The following EEF1AKMT1 variants were observed in gnomAD, a reference collection of about 807,000 sequenced individuals.
The protein encoded by EEF1AKMT1 is N-6 adenine-specific DNA methyltransferase 2 (putative).
EEF1AKMT1 carries 18 observed loss-of-function variants against 21.0 expected under a neutral mutation model. The observed-to-expected ratio is 0.86, with a 90% confidence interval of 0.59 to 1.27. EEF1AKMT1 has a LOEUF of 1.27. Among genes scored for constraint, EEF1AKMT1 ranks in the 50% most tolerant of loss-of-function variants. The pLI is 0.00. For synonymous variants in EEF1AKMT1, 109 were observed against 94.8 expected (o/e 1.15, Z -0.87); for missense variants, 246 against 258.6 (o/e 0.95, Z 0.33).
chr13:20,760,104 C>CAAAAAAAAAAAAA (rs56891551), intron 1 of EEF1AKMT1, among the ~76,000 whole-genome samples: 1 of 56,240 alleles, frequency 1.8e-5, no homozygotes, highest in Non-Finnish European at 2.8e-5. Flanking sequence ...GACTCTGTCT[C>CAAAAAAAAAAAAA]AAAAAAAAAA....
At chr13:20,752,353 G>C (rs1018631714) in intron 2 of EEF1AKMT1, among the ~76,000 whole-genome samples, 4 of 152,080 alleles carry the variant, frequency 2.6e-5, no homozygotes, top group Non-Finnish European at 5.9e-5. Context: ...TTTTTATCAT[G>C]AAGGGATGTT....
intron 1 of EEF1AKMT1, among the ~76,000 whole-genome samples, chr13:20,758,667 A>C (rs1435397133): frequency 2.0e-5 from 3 of 152,210 alleles, no homozygotes; most frequent in Non-Finnish European, 4.4e-5. Context: ...AGAATTAAAA[A>C]AAATTCTAAA....
At chr13:20,732,947 T>C (rs1217592947) in intron 3 of EEF1AKMT1, among the ~76,000 whole-genome samples, 1 of 152,222 alleles carries the variant, frequency 6.6e-6, no homozygotes, top group Non-Finnish European at 1.5e-5. Flanking sequence ...GCTTTGCTTC[T>C]TTTTTGTATA....
intron 1 of EEF1AKMT1, among the ~76,000 whole-genome samples, chr13:20,770,942 C>T (rs1352403687): frequency 6.6e-6 from 1 of 150,942 alleles, no homozygotes; most frequent in Admixed American, 6.6e-5. Flanking sequence ...TGCAGTGGTG[C>T]GATTGTGGCT....
chr13:20,742,764 A>G (rs1282609863), intron 2 of EEF1AKMT1, among the ~76,000 whole-genome samples: 4 of 152,170 alleles, frequency 2.6e-5, no homozygotes, highest in Non-Finnish European at 5.9e-5. Flanking sequence ...CAGGCTGCCC[A>G]TGGTCCTCAG....
Position 20,742,441 on chromosome 13 carries a change from C to A in EEF1AKMT1, c.145-4636G>T, listed in dbSNP as rs745635880. On this transcript the variant is annotated intron_variant, in intron 2 of 4. Coordinates refer to ENST00000382758, the MANE Select transcript of EEF1AKMT1 (RefSeq NM_001318939.2). ...GTTCCCTACTTAACAGAAACTATTT[C>A]AAAGAACACCAACATCAGACTGAGT... 2.6e-4 allele frequency among the ~76,000 whole-genome samples: 39 copies of A among 152,032 alleles called. 1 individual carries two copies. The highest frequency in any genetic ancestry group is 7.4e-5 in the Non-Finnish European group (5 of 68,016).
rs557143511 is a variant in EEF1AKMT1 at position 20,764,821 on chromosome 13, T to G, written c.-19-7204A>C. Among the ~76,000 whole-genome samples the G allele has an allele frequency of 2.9e-5, 4 of 140,342 alleles. No individual in the cohort carries two copies. In the South Asian group the frequency reaches 9.1e-4, roughly 32 times the overall value. 92.1% of individuals were successfully genotyped at this position (140,342 alleles called of 152,430 possible). ...CTACTTTACCTGCTATCAATAAAAG[T>G]GCTCATGCTTTTAAAAAAAAGCTTC... On this transcript the variant is annotated intron_variant, in intron 1 of 4. Coordinates refer to ENST00000382758, the MANE Select transcript of EEF1AKMT1 (RefSeq NM_001318939.2).
intron 2 of EEF1AKMT1, among the ~76,000 whole-genome samples, chr13:20,751,773 A>G (rs1198858469): frequency 1.3e-5 from 2 of 152,136 alleles, no homozygotes; most frequent in Non-Finnish European, 2.9e-5. Context: ...TATTCTTTCA[A>G]TCCGTGAGCA....
chr13:20,761,582 A>G (rs1323473080), intron 1 of EEF1AKMT1, among the ~76,000 whole-genome samples: 3 of 152,304 alleles, frequency 2.0e-5, no homozygotes, highest in Non-Finnish European at 4.4e-5. Flanking sequence ...GCTCAAGAGT[A>G]TGATGTTGGA....
chr13:20,739,159 C>T (rs528971690), intron 2 of EEF1AKMT1, among the ~76,000 whole-genome samples: 5 of 151,608 alleles, frequency 3.3e-5, no homozygotes, highest in Non-Finnish European at 7.4e-5. Flanking sequence ...GTAGTTCCTC[C>T]CATCCGAAGT....
chr13:20,750,760 C>CATACTGTT (rs1221990275), intron 2 of EEF1AKMT1, among the ~76,000 whole-genome samples: 4 of 152,144 alleles, frequency 2.6e-5, no homozygotes, highest in African/African-American at 9.7e-5. Flanking sequence ...GAGAAATCAC[C>CATACTGTT]ATACTGTTTT....
intron 1 of EEF1AKMT1, among the ~76,000 whole-genome samples, chr13:20,766,596 T>A (rs1595031850): frequency 6.6e-6 from 1 of 151,482 alleles, no homozygotes; most frequent in South Asian, 2.1e-4. Context: ...CCAAGGCAGG[T>A]GGATCACCTG....
intron 3 of EEF1AKMT1, 152 bp downstream of exon 3, chr13:20,737,571 T>C (rs2058833424): frequency 1.7e-6 from 1 of 602,570 alleles, no homozygotes; most frequent in Non-Finnish European, 2.9e-6. Context: ...CTAAACTCAG[T>C]GTTGAAGCTG....
At position 20,758,116 on chromosome 13, in the gene EEF1AKMT1, C is replaced by T. The variant is rs151290532; in HGVS notation, c.-19-499G>A. 9.4e-4 allele frequency among the ~76,000 whole-genome samples: 143 copies of T among 152,306 alleles called. No homozygotes were observed. The Middle Eastern group carries it at 0.01, about 11-fold the overall frequency. On this transcript the variant is annotated intron_variant, in intron 1 of 4. Coordinates refer to ENST00000382758, the MANE Select transcript of EEF1AKMT1 (RefSeq NM_001318939.2). ...AGATAATCCCCTTCCCTTTCCAGGT[C>T]TTCTCCTGACCCAGGAGAAATTAAT...
chr13:20,760,123 A>AGAAAG, intron 1 of EEF1AKMT1, among the ~76,000 whole-genome samples: 1 of 127,470 alleles, frequency 7.8e-6, no homozygotes, highest in South Asian at 2.6e-4. Flanking sequence ...AAAAAAAAAA[A>AGAAAG]AAGTCAAAAA....
intron 2 of EEF1AKMT1, among the ~76,000 whole-genome samples, chr13:20,742,284 A>G (rs962630245): frequency 2.6e-5 from 4 of 152,054 alleles, no homozygotes; most frequent in African/African-American, 9.7e-5. Flanking sequence ...AATTGTTGCT[A>G]GCATTCCCTA....
In EEF1AKMT1 at chr13:20,766,315, AG is replaced by A. The variant is rs66951223; in HGVS notation, c.-20+7605del. ...CTCCATCTCAAAAAAAAAAAAAAAA[AG>A]AAAGAAAGAAAAGAAAAAGAAAAAA... On this transcript the variant is annotated intron_variant, in intron 1 of 4. Coordinates refer to ENST00000382758, the MANE Select transcript of EEF1AKMT1 (RefSeq NM_001318939.2). Among the ~76,000 whole-genome samples, 349 of 135,848 alleles carry A rather than the reference AG, an allele frequency of 2.6e-3. 8 individuals carry two copies. Among genetic ancestry groups the A allele is most frequent in the African/African-American group, 8.8e-3 (325 of 36,846 alleles). The allele number at this position is 135,848 out of a possible 152,430, so 89.1% of individuals were successfully genotyped here. A position where few individuals can be genotyped will look rare whatever the true frequency, so the allele number is the denominator to read the frequency against.
At chr13:20,752,809 TTTTA>T (rs1374365499) in intron 2 of EEF1AKMT1, among the ~76,000 whole-genome samples, 1 of 152,056 alleles carries the variant, frequency 6.6e-6, no homozygotes, top group Non-Finnish European at 1.5e-5. Context: ...TTATTTCTGA[TTTTA>T]TTTATTTTTG....
chr13:20,730,842 C>T (rs1374824726), intron 4 of EEF1AKMT1, among the ~76,000 whole-genome samples: 4 of 152,160 alleles, frequency 2.6e-5, no homozygotes, highest in African/African-American at 7.2e-5. Flanking sequence ...AGCAGTGCAA[C>T]CAGGTGTTGT....
Sources: allele counts gnomAD v4.1 joint callset (sites outside exome capture counted in the v4.1 genomes callset), GRCh38; gene constraint gnomAD v4.1.1; transcripts MANE v1.5; gene names NCBI Gene and HGNC (gene_info 2026-07-23, HGNC 2026-07-21).